FBN1: variants seen among roughly 807,000 people sequenced by gnomAD.
FBN1 encodes the protein fibrillin 1, also known as fibrillin-1.
FBN1 carries 29 observed loss-of-function variants against 365.1 expected under a neutral mutation model. The observed-to-expected ratio is 0.08, with a 90% confidence interval of 0.06 to 0.11. The LOEUF (loss-of-function observed/expected upper bound fraction) is 0.11. Among genes scored for constraint, FBN1 ranks in the 10% least tolerant of loss-of-function variants. The probability of loss-of-function intolerance (pLI) is 1.00; values close to 1 mark genes in which losing one functional copy is unlikely to be tolerated. For synonymous variants in FBN1, 1,210 were observed against 1,270.5 expected (o/e 0.95, Z 1.01); for missense variants, 2,476 against 3,703.2 (o/e 0.67, Z 8.60).
At chr15:48,604,261 AGGAAGAACACTGGG>A (rs1484323109) in intron 4 of FBN1, among the ~76,000 whole-genome samples, 5 of 152,204 alleles carry the variant, frequency 3.3e-5, no homozygotes, top group Non-Finnish European at 7.3e-5. Flanking sequence ...CACAACTGGC[AGGAAGAACACTGGG>A]AGCAATTTGC....
At chr15:48,412,234 G>A (rs2042869368) in intron 65 of FBN1, among the ~76,000 whole-genome samples, 1 of 152,238 alleles carries the variant, frequency 6.6e-6, no homozygotes, top group African/African-American at 2.4e-5. Context: ...TATGTAGGGA[G>A]CACTATGTCA....
chr15:48,489,839 G>C lies in FBN1; in HGVS notation c.3082+12C>G, dbSNP rs1225826092. On this transcript the variant is annotated intron_variant, in intron 25 of 65. Transcript: ENST00000316623. ...AGGGAGGCAATTGGCCATGGAAAAC[G>C]TAACATTGTACCTTTGAAGAAAGGC... 2 of 1,610,474 alleles carry C rather than the reference G, an allele frequency of 1.2e-6. No individual in the cohort carries two copies. Among genetic ancestry groups the C allele is most frequent in the Admixed American group, 1.7e-5 (1 of 60,006 alleles).
intron 2 of FBN1, among the ~76,000 whole-genome samples, chr15:48,636,333 G>T: frequency 6.6e-6 from 1 of 152,114 alleles, no homozygotes; most frequent in Non-Finnish European, 1.5e-5. Context: ...GAGAATCAAG[G>T]AAGCCAGGCA....
chr15:48,424,618 G>C (rs940249644), intron 60 of FBN1, among the ~76,000 whole-genome samples: 1 of 152,184 alleles, frequency 6.6e-6, no homozygotes, highest in Non-Finnish European at 1.5e-5. Context: ...TTCCTTCAAA[G>C]TTTCATGGCA....
chr15:48,617,733 G>C (rs1286021425), intron 2 of FBN1, among the ~76,000 whole-genome samples: 2 of 152,162 alleles, frequency 1.3e-5, no homozygotes, highest in African/African-American at 4.8e-5. Flanking sequence ...ACTGGCAAAA[G>C]CCTCTCTCAA....
intron 9 of FBN1, among the ~76,000 whole-genome samples, chr15:48,522,093 G>A (rs780474938): frequency 3.3e-5 from 5 of 152,168 alleles, no homozygotes; most frequent in South Asian, 4.1e-4. Flanking sequence ...AGGGTTCTAG[G>A]TTGTGTGTTC....
At chr15:48,582,846 A>G (rs1411138854) in intron 6 of FBN1, among the ~76,000 whole-genome samples, 1 of 152,240 alleles carries the variant, frequency 6.6e-6, no homozygotes, top group Non-Finnish European at 1.5e-5. Context: ...TCTAAGCAGC[A>G]AAAGACTCAA....
intron 6 of FBN1, among the ~76,000 whole-genome samples, chr15:48,572,340 TATTA>T (rs1213183603): frequency 2.1e-5 from 1 of 48,768 alleles, no homozygotes; most frequent in Non-Finnish European, 7.8e-5. Context: ...AATCATGTAT[TATTA>T]AATCTCTACC....
chr15:48,498,025 C>T (rs190618690), intron 18 of FBN1, among the ~76,000 whole-genome samples: 2 of 152,250 alleles, frequency 1.3e-5, no homozygotes, highest in Admixed American at 6.5e-5. Flanking sequence ...AAAAAGCCTC[C>T]GTTGCTCTGC....
At chr15:48,482,462 A>G (rs1312671765) in intron 31 of FBN1, among the ~76,000 whole-genome samples, 1 of 152,220 alleles carries the variant, frequency 6.6e-6, no homozygotes, top group Non-Finnish European at 1.5e-5. Flanking sequence ...AACAAAAGAC[A>G]GTGATCCCTG....
rs150030380 is a variant in FBN1 at position 48,438,130 on chromosome 15, T to C, written c.6164-213A>G. Among the ~76,000 whole-genome samples the C allele has an allele frequency of 4.2e-3, 641 of 152,282 alleles. 5 individuals are homozygous for C. The highest frequency in any genetic ancestry group is 6.8e-3 in the Middle Eastern group (2 of 294). ...GATCTGATGAACAACTCTATGAACT[T>C]AAATTTATTACTTCTCATTTTAGTC... is the stretch of plus-strand genomic sequence containing the variant. On this transcript the variant is annotated intron_variant, in intron 50 of 65. Transcript: ENST00000316623.
rs370325295 is a variant in FBN1, at chr15:48,550,942, A to G, written c.539-13134T>C. Among the ~76,000 whole-genome samples the G allele has an allele frequency of 8.6e-5, 13 of 151,712 alleles. No homozygotes were observed. The East Asian group carries it at 1.9e-3, about 23-fold the overall frequency. ...TGGCCTAGAATATCCCCATGGGCCCATAATAAGCACTCAAGTATTTATGAA... is the reference window on the plus strand; with the variant it reads ...TGGCCTAGAATATCCCCATGGGCCCGTAATAAGCACTCAAGTATTTATGAA... On this transcript the variant is annotated intron_variant, in intron 6 of 65. Transcript: ENST00000316623.
At chr15:48,541,078 CAT>C (rs980365395) in intron 6 of FBN1, among the ~76,000 whole-genome samples, 7 of 151,896 alleles carry the variant, frequency 4.6e-5, no homozygotes, top group African/African-American at 1.4e-4. Context: ...CATAACTTCA[CAT>C]GTGAATTTCT....
At chr15:48,518,729 C>T (rs939499678) in intron 10 of FBN1, among the ~76,000 whole-genome samples, 13 of 152,116 alleles carry the variant, frequency 8.5e-5, no homozygotes, top group African/African-American at 3.1e-4. Context: ...CCACTTAACC[C>T]AAGATGATGC....
At chr15:48,514,075 T>C (rs1342796870) in intron 12 of FBN1, among the ~76,000 whole-genome samples, 1 of 152,222 alleles carries the variant, frequency 6.6e-6, no homozygotes, top group Non-Finnish European at 1.5e-5. Context: ...CATTCCCTGC[T>C]GAGTTCCACT....
intron 2 of FBN1, among the ~76,000 whole-genome samples, chr15:48,617,329 T>A (rs1889677135): frequency 6.6e-6 from 1 of 151,888 alleles, no homozygotes; most frequent in Non-Finnish European, 1.5e-5. Context: ...CACACACCAC[T>A]ACACCCAGCT....
chr15:48,626,107 A>G (rs1889871023), intron 2 of FBN1, among the ~76,000 whole-genome samples: 2 of 152,078 alleles, frequency 1.3e-5, no homozygotes, highest in Admixed American at 1.3e-4. Flanking sequence ...AAATTTTTAA[A>G]TTAGCCAAGA....
intron 45 of FBN1, among the ~76,000 whole-genome samples, chr15:48,451,662 T>C (rs2043202704): frequency 6.6e-6 from 1 of 152,164 alleles, no homozygotes; most frequent in Admixed American, 6.5e-5. Flanking sequence ...AAACCCCCCG[T>C]GAAATGAACC....
intron 14 of FBN1, 110 bp downstream of exon 14, chr15:48,509,933 TA>T (rs2043744644): frequency 8.5e-7 from 1 of 1,173,882 alleles, no homozygotes; most frequent in Non-Finnish European, 1.3e-6. Context: ...ATAAAATATA[TA>T]AAACATATTT....
Sources: allele counts gnomAD v4.1 joint callset (sites outside exome capture counted in the v4.1 genomes callset), GRCh38; gene constraint gnomAD v4.1.1; transcripts MANE v1.5; gene names NCBI Gene and HGNC (gene_info 2026-07-23, HGNC 2026-07-21).